The following CTSD variants were observed in gnomAD, a reference collection of about 807,000 sequenced individuals.
CTSD encodes ceroid-lipofuscinosis, neuronal 10.
CTSD carries 28 observed loss-of-function variants against 43.6 expected under a neutral mutation model. The observed-to-expected ratio is 0.64, with a 90% CI of 0.48 to 0.88. The LOEUF (loss-of-function observed/expected upper bound fraction) is 0.88, where lower values mean the gene tolerates loss of function less well. Ranked by LOEUF, CTSD falls within the 40% of genes least tolerant of loss-of-function variation. CTSD has a pLI of 0.00. For missense variants in CTSD, 485 were observed against 555.2 expected (o/e 0.87, Z 1.27); for synonymous variants, 270 against 249.8 (o/e 1.08, Z -0.76).
At chr11:1,754,200 C>G (rs1239801535) in intron 6 of CTSD, 62 bp from the exon 7 acceptor site, 1 of 1,566,100 alleles carries the variant, frequency 6.4e-7, no homozygotes, top group African/African-American at 1.4e-5. Context: ...GGGCCCAGTG[C>G]CCCTCCCTGG....
chr11:1,759,766 C>T, intron 2 of CTSD, 127 bp from the exon 3 acceptor site: 3 of 1,022,266 alleles, frequency 2.9e-6, no homozygotes, highest in Non-Finnish European at 4.2e-6. Context: ...GGGCCCACAG[C>T]TGCCAACAGC....
intron 2 of CTSD, 29 bp downstream of exon 2, chr11:1,761,280 T>C (rs774606913): frequency 1.2e-5 from 20 of 1,612,892 alleles, no homozygotes; most frequent in East Asian, 2.2e-5. Flanking sequence ...GTGGCTCCGC[T>C]TGCAGCAGGG....
Position 1,755,036 on chromosome 11 carries a change from GA to G in CTSD, c.705-9del. Reference sequence around the variant, plus strand: ...GGCTGCGCATCTGGGTCCCTAGGAGGAAAAGGGAGGAGTCAGCTGCCACGCC... The same window carrying G: ...GGCTGCGCATCTGGGTCCCTAGGAGGAAAGGGAGGAGTCAGCTGCCACGCC... On this transcript the variant is annotated splice_polypyrimidine_tract_variant and intron_variant, in intron 5 of 8. Coordinates refer to ENST00000236671, the MANE Select transcript of CTSD (RefSeq NM_001909.5). The G allele has an allele frequency of 6.2e-7, 1 of 1,613,678 alleles. No homozygotes were observed.
chr11:1,753,231 T>G lies in CTSD; in HGVS notation c.*272A>C, dbSNP rs1590903266. 1 of 521,790 alleles carries G rather than the reference T, an allele frequency of 1.9e-6. No homozygotes were observed. Among genetic ancestry groups the G allele is most frequent in the East Asian group, 3.4e-5 (1 of 29,436 alleles). 32.3% of individuals were successfully genotyped at this position (521,790 alleles called of 1,614,324 possible). ...GCTCGGCTGCCAAGCTTGGGTGGGG[T>G]CTTCCAATGCACGAAACAGATCTGT... On this transcript the variant is annotated 3_prime_UTR_variant, in exon 9 of 9. Coordinates refer to ENST00000236671, the MANE Select transcript of CTSD (RefSeq NM_001909.5).
chr11:1,757,904 G>C, intron 4 of CTSD: 1 of 390,896 alleles, frequency 2.6e-6, no homozygotes, highest in Non-Finnish European at 4.8e-6. Context: ...CTGGGAACAA[G>C]ACACAGCCTG....
At chr11:1,753,746 G>A (rs963153320) in intron 8 of CTSD, 57 bp downstream of exon 8, 98 of 1,608,772 alleles carry the variant, frequency 6.1e-5, no homozygotes, top group Middle Eastern at 1.6e-4. Context: ...CACCTGGAGC[G>A]TGCGCCCCCT....
Position 1,753,482 on chromosome 11 carries a change from G to GGCGC in CTSD, c.*17_*20dup, listed in dbSNP as rs1565018367. ...TGGGACTCTCCTCTGTTTCTGTGCT[G>GGCGC]GCGCGCGGACGCCTTGGGAACTAGA... On this transcript the variant is annotated 3_prime_UTR_variant, in exon 9 of 9. Coordinates refer to ENST00000236671, the MANE Select transcript of CTSD (RefSeq NM_001909.5). The GGCGC allele has an allele frequency of 6.2e-7, 1 of 1,612,852 alleles. No homozygotes were observed. The highest frequency in any genetic ancestry group is 8.5e-7 in the Non-Finnish European group (1 of 1,179,824).
chr11:1,755,288 A>G (rs2133660246), intron 5 of CTSD: 1 of 531,642 alleles, frequency 1.9e-6, no homozygotes, highest in Non-Finnish European at 3.4e-6. Flanking sequence ...TCTGCTCAGG[A>G]GCCAAGGTTC....
Position 1,763,872 on chromosome 11 carries a change from C to G in CTSD, c.-13G>C, listed in dbSNP as rs1282436809. 2.0e-6 allele frequency: 3 copies of G among 1,521,940 alleles called. No homozygotes were observed. In the African/African-American group the frequency reaches 4.3e-5, roughly 22 times the overall value. The allele number at this position is 1,521,940 out of a possible 1,614,324, so 94.3% of individuals were successfully genotyped here. A position where few individuals can be genotyped will look rare whatever the true frequency, so the allele number is the denominator to read the frequency against. ...TGGAGGGCTGCATGGCGGCGGCGGC[C>G]GGGTCGGAGAGGGTCGCCGAGGCCG... On this transcript the variant is annotated 5_prime_UTR_variant, in exon 1 of 9. Coordinates refer to ENST00000236671, the MANE Select transcript of CTSD (RefSeq NM_001909.5).
rs1229331711 is a variant in CTSD, at chr11:1,753,848, C to T, written c.1026G>A (p.Leu342=). The T allele has an allele frequency of 1.2e-6, 2 of 1,613,570 alleles. No homozygotes were observed. The highest frequency in any genetic ancestry group is 1.7e-6 in the Non-Finnish European group (2 of 1,179,756). Residue 342 remains leucine (L), a synonymous_variant, in exon 8 of 9, where the codon CTG becomes CTA. Coordinates refer to ENST00000236671, the MANE Select transcript of CTSD (RefSeq NM_001909.5). ...VSTLPAITLK[L]GGKGYKLSPE... is the part of the protein sequence containing the mutation. ...GGGACAGCTTGTAGCCTTTGCCTCC[C>T]AGCTTCAGTGTGATCGCGGGCAGGG...
chr11:1,757,282 G>T lies in CTSD; in HGVS notation c.704+42C>A, dbSNP rs754943635. On this transcript the variant is annotated intron_variant, in intron 5 of 8. Coordinates refer to ENST00000236671, the MANE Select transcript of CTSD (RefSeq NM_001909.5). ...AAGGCTCCCCGTCCAGCCCCGCCCT[G>T]CCTCCCAGCAACGCGGAGCGAGAGG... 4 of 1,544,856 alleles carry T rather than the reference G, an allele frequency of 2.6e-6. No individual in the cohort carries two copies. The South Asian group carries it at 3.4e-5, about 13-fold the overall frequency.
At position 1,757,755 on chromosome 11, in the gene CTSD, G is replaced by A. The variant is rs72850958; in HGVS notation, c.472-199C>T. Among the ~76,000 whole-genome samples the A allele has an allele frequency of 0.063, 9,553 of 152,120 alleles. 347 individuals are homozygous for A. The highest frequency in any genetic ancestry group is 0.12 in the Middle Eastern group (36 of 294). On this transcript the variant is annotated intron_variant, in intron 4 of 8. Transcript: ENST00000236671. ...CACGGGGTATGGCGGGGCCCTCTTC[G>A]TGGAAGTCATCAGGGCTCGGTTTAC...
At chr11:1,762,719 C>T (rs1845897015) in intron 1 of CTSD, among the ~76,000 whole-genome samples, 1 of 152,186 alleles carries the variant, frequency 6.6e-6, no homozygotes, top group South Asian at 2.1e-4. Context: ...CGTTTCCCCT[C>T]TGCTGTGTCT....
chr11:1,754,444 TG>T, intron 6 of CTSD, among the ~76,000 whole-genome samples: 1 of 68,386 alleles, frequency 1.5e-5, no homozygotes, highest in African/African-American at 5.7e-5. Context: ...GATGGAGGGA[TG>T]GAGGGATAGA....
At chr11:1,755,180 G>C (rs1845795247) in intron 5 of CTSD, 152 bp from the exon 6 acceptor site, 1 of 901,764 alleles carries the variant, frequency 1.1e-6, no homozygotes, top group East Asian at 2.5e-5. Context: ...CCAGAAGGCA[G>C]GAGGAGGGAC....
intron 5 of CTSD, chr11:1,755,438 T>C: frequency 3.0e-6 from 1 of 332,786 alleles, no homozygotes; most frequent in South Asian, 2.5e-5. Flanking sequence ...ATCTGGGAAG[T>C]TGGGATGGCT....
At chr11:1,760,896 T>G in intron 2 of CTSD, 7 of 262,248 alleles carry the variant, frequency 2.7e-5, no homozygotes, top group South Asian at 1.1e-4. Flanking sequence ...CCTGAAGGAG[T>G]AGTGGGCACA....
chr11:1,759,883 C>T (rs1383891224), intron 2 of CTSD, among the ~76,000 whole-genome samples: 1 of 152,236 alleles, frequency 6.6e-6, no homozygotes, highest in Non-Finnish European at 1.5e-5. Flanking sequence ...GCTTCTGTCA[C>T]CTACCCCTGC....
In CTSD at chr11:1,759,106, G is replaced by T. The variant is rs777562600; in HGVS notation, c.353-19C>A. ...TGGATCCCTGCCCCGGGCGACAAGG[G>T]GGCCCGCCGGTCATCCCGCAGCCCA... On this transcript the variant is annotated intron_variant, in intron 3 of 8. Transcript: ENST00000236671. 1 of 1,565,574 alleles carries T rather than the reference G, an allele frequency of 6.4e-7. No homozygotes were observed. The highest frequency in any genetic ancestry group is 1.4e-5 in the African/African-American group (1 of 73,888).
Sources: allele counts gnomAD v4.1 joint callset (sites outside exome capture counted in the v4.1 genomes callset), GRCh38; gene constraint gnomAD v4.1.1; transcripts MANE v1.5; gene names NCBI Gene and HGNC (gene_info 2026-07-23, HGNC 2026-07-21).